Variants in CHODL observed in about 807,000 individuals in gnomAD.
CHODL encodes transmembrane protein MT75.
CHODL carries 29 observed loss-of-function variants against 34.5 expected under a neutral mutation model. The ratio of observed to expected loss-of-function variants is 0.84; its 90% CI spans 0.63 to 1.15. The LOEUF is 1.15. Among genes scored for constraint, CHODL ranks in the 50% most tolerant of loss-of-function variants. The probability of loss-of-function intolerance (pLI) is 0.00; values close to 1 mark genes in which losing one functional copy is unlikely to be tolerated. For synonymous variants in CHODL, 125 were observed against 116.1 expected, an observed-to-expected ratio of 1.08 and a Z score of -0.49; for missense variants, 332 against 332.5, an observed-to-expected ratio of 1.00 and a Z score of 0.01.
At chr21:17,979,160 A>ATTCCCTTTT in intron 1 of CHODL, among the ~76,000 whole-genome samples, 2 of 152,206 alleles carry the variant, frequency 1.3e-5, no homozygotes, top group East Asian at 3.8e-4. Context: ...CACGTAATGT[A>ATTCCCTTTT]GCATATTCTT....
intron 2 of CHODL, among the ~76,000 whole-genome samples, chr21:18,235,144 A>G (rs1198095704): frequency 6.6e-6 from 1 of 152,146 alleles, no homozygotes; most frequent in Non-Finnish European, 1.5e-5. Flanking sequence ...GAATGTGGAC[A>G]TGAAGTACAA....
chr21:18,083,062 T>A (rs1600979431), intron 2 of CHODL, among the ~76,000 whole-genome samples: 1 of 152,152 alleles, frequency 6.6e-6, no homozygotes, highest in African/African-American at 2.4e-5. Flanking sequence ...CAGCAGTCCA[T>A]CTTATCACAG....
At chr21:17,931,304 G>C (rs898580942) in intron 1 of CHODL, among the ~76,000 whole-genome samples, 1 of 152,114 alleles carries the variant, frequency 6.6e-6, no homozygotes, top group Non-Finnish European at 1.5e-5. Flanking sequence ...TGCAAAGCCC[G>C]ATACAAAACA....
chr21:18,017,224 G>C (rs948454612), intron 1 of CHODL, among the ~76,000 whole-genome samples: 4 of 152,160 alleles, frequency 2.6e-5, no homozygotes, highest in Non-Finnish European at 5.9e-5. Flanking sequence ...ATATGGTTTG[G>C]CTCTGTGTCC....
intron 2 of CHODL, among the ~76,000 whole-genome samples, chr21:18,104,300 A>G (rs1256301220): frequency 6.6e-6 from 1 of 152,134 alleles, no homozygotes; most frequent in Non-Finnish European, 1.5e-5. Context: ...CTCTCATGAT[A>G]GTGAGTTCTC....
chr21:18,117,849 T>A (rs1253749906), intron 2 of CHODL, among the ~76,000 whole-genome samples: 1 of 152,194 alleles, frequency 6.6e-6, no homozygotes, highest in Non-Finnish European at 1.5e-5. Flanking sequence ...GCTATTAAAT[T>A]AGCTTTAAGC....
At chr21:17,969,195 T>A (rs541015215) in intron 1 of CHODL, among the ~76,000 whole-genome samples, 13 of 152,270 alleles carry the variant, frequency 8.5e-5, no homozygotes, top group African/African-American at 2.6e-4. Flanking sequence ...CATTGGTGAG[T>A]TTTTTAAGGG....
At chr21:18,249,003 T>C (rs1203333523) in intron 1 of CHODL, among the ~76,000 whole-genome samples, 1 of 109,620 alleles carries the variant, frequency 9.1e-6, no homozygotes, top group Non-Finnish European at 1.7e-5. Context: ...TATGTATTTA[T>C]ATATAATATA....
intron 2 of CHODL, among the ~76,000 whole-genome samples, chr21:18,076,035 A>G (rs765335667): frequency 1.3e-5 from 2 of 152,168 alleles, no homozygotes; most frequent in Non-Finnish European, 2.9e-5. Context: ...AGAACTGAGA[A>G]AGATAAATTT....
chr21:17,992,732 TTTTTTTTTTTTC>T (rs1314160604), intron 1 of CHODL, among the ~76,000 whole-genome samples: 3 of 145,182 alleles, frequency 2.1e-5, no homozygotes, highest in Non-Finnish European at 4.5e-5. Context: ...TTTTTTTTTT[TTTTTTTTTTTTC>T]CAGACAGAGT....
At chr21:18,210,587 A>ACT (rs527653121) in intron 2 of CHODL, among the ~76,000 whole-genome samples, 67 of 151,362 alleles carry the variant, frequency 4.4e-4, no homozygotes, top group African/African-American at 1.6e-3. Context: ...CAGGTTAAAA[A>ACT]CTCTGACTCC....
rs1018720219 is a variant in CHODL, at chr21:18,031,160, T to C, written c.-45+3189T>C. Among the ~76,000 whole-genome samples, 24 of 152,228 alleles carry C rather than the reference T, an allele frequency of 1.6e-4. No homozygotes were observed. The Middle Eastern group carries it at 0.017, about 108-fold the overall frequency. Reference sequence around the variant, plus strand: ...AATATCTAGGAAGATGTGAAGCCCCTGGTGAAGCTGAAACTGCCAACTCCA... The same window carrying C: ...AATATCTAGGAAGATGTGAAGCCCCCGGTGAAGCTGAAACTGCCAACTCCA... On this transcript the variant is annotated intron_variant, in intron 2 of 6. Transcript: ENST00000400127.
chr21:17,924,849 CTGTTA>C (rs946103320), intron 1 of CHODL, among the ~76,000 whole-genome samples: 3 of 152,146 alleles, frequency 2.0e-5, no homozygotes, highest in Non-Finnish European at 4.4e-5. Flanking sequence ...GCTAATCATT[CTGTTA>C]TATTACCACA....
chr21:17,981,113 A>G (rs778241156), intron 1 of CHODL, among the ~76,000 whole-genome samples: 4 of 152,182 alleles, frequency 2.6e-5, no homozygotes, highest in African/African-American at 4.8e-5. Context: ...CACTATATTT[A>G]GCTAGTGTTA....
intron 2 of CHODL, among the ~76,000 whole-genome samples, chr21:18,070,068 T>C: frequency 7.4e-6 from 1 of 134,646 alleles, no homozygotes; most frequent in South Asian, 2.7e-4. Context: ...TTTGTTCTTT[T>C]TGTTCTTTTC....
intron 2 of CHODL, among the ~76,000 whole-genome samples, chr21:18,095,315 A>G (rs1330917622): frequency 6.6e-6 from 1 of 152,100 alleles, no homozygotes; most frequent in Non-Finnish European, 1.5e-5. Flanking sequence ...CAGAGATGAG[A>G]AAGGAGACAT....
chr21:18,202,089 G>T (rs2073661210), intron 2 of CHODL, among the ~76,000 whole-genome samples: 1 of 152,136 alleles, frequency 6.6e-6, no homozygotes, highest in Non-Finnish European at 1.5e-5. Context: ...ACAGGCATCA[G>T]CCACGGCGCC....
At chr21:18,041,358 A>G (rs2064373689) in intron 2 of CHODL, among the ~76,000 whole-genome samples, 1 of 151,996 alleles carries the variant, frequency 6.6e-6, no homozygotes, top group African/African-American at 2.4e-5. Flanking sequence ...GATGAAAATA[A>G]CTATGCCCAT....
chr21:17,954,260 C>T (rs1224926466), intron 1 of CHODL, among the ~76,000 whole-genome samples: 1 of 152,006 alleles, frequency 6.6e-6, no homozygotes, highest in Non-Finnish European at 1.5e-5. Context: ...CTTCAAAATA[C>T]ACGATGTAAA....
Sources: gnomAD v4.1 joint callset for allele counts (sites outside exome capture counted in the v4.1 genomes callset) on GRCh38, gnomAD v4.1.1 for gene constraint, MANE v1.5 for transcripts, NCBI Gene and HGNC (gene_info 2026-07-23, HGNC 2026-07-21) for gene names.